The following PDE1A variants were observed in gnomAD, a reference collection of about 807,000 sequenced individuals.
PDE1A encodes the protein dual specificity calcium/calmodulin-dependent 3',5'-cyclic nucleotide phosphodiesterase 1A.
PDE1A carries 35 observed loss-of-function variants against 61.7 expected under a neutral mutation model. That is an observed-to-expected ratio of 0.57 (90% CI 0.43 to 0.75). The LOEUF (loss-of-function observed/expected upper bound fraction) is 0.75. Among genes scored for constraint, PDE1A ranks in the 30% least tolerant of loss-of-function variants. The pLI, the probability that PDE1A is intolerant of heterozygous loss-of-function variation, is 0.00. For synonymous variants in PDE1A, 232 were observed against 213.2 expected (o/e 1.09, Z -0.77); for missense variants, 597 against 630.6 (o/e 0.95, Z 0.57).
At chr2:182,398,688 G>A (rs2125433532) in intron 1 of PDE1A, among the ~76,000 whole-genome samples, 1 of 152,050 alleles carries the variant, frequency 6.6e-6, no homozygotes, top group East Asian at 1.9e-4. Context: ...TATATATTAG[G>A]TCTGTTTGAT....
exon 1 of PDE1A, chr2:182,426,722 G>A (rs2125612565): frequency 6.3e-7 from 1 of 1,585,802 alleles, no homozygotes; most frequent in East Asian, 2.2e-5. Context: ...TGTGCTGCAA[G>A]GAGCCCAGAA....
intron 8 of PDE1A, 99 bp downstream of exon 8, chr2:182,205,841 G>A (rs1687053827): frequency 1.0e-6 from 1 of 998,692 alleles, no homozygotes; most frequent in East Asian, 2.5e-5. Flanking sequence ...TTTGTAATTT[G>A]GGGAATGCAT....
At chr2:182,653,563 G>C in the PDE1A span, among the ~76,000 whole-genome samples, 603 of 152,172 alleles carry the variant, frequency 4.0e-3, 4 homozygotes, top group Non-Finnish European at 5.6e-3. Context: ...GCTTGAATGA[G>C]GTGTTGCAGA....
At chr2:182,202,384 T>C (rs1216854341) in intron 8 of PDE1A, among the ~76,000 whole-genome samples, 1 of 152,244 alleles carries the variant, frequency 6.6e-6, no homozygotes, top group Non-Finnish European at 1.5e-5. Context: ...AGCAAGGCAC[T>C]GAACTGTAAG....
chr2:182,506,208 G>C (rs1330612549), intron 2 of PDE1A, among the ~76,000 whole-genome samples: 2 of 152,002 alleles, frequency 1.3e-5, no homozygotes, highest in African/African-American at 4.8e-5. Context: ...TTTCCATGTA[G>C]AGTTCGTAAG....
the PDE1A span, among the ~76,000 whole-genome samples, chr2:182,594,295 T>C: frequency 3.9e-5 from 6 of 152,346 alleles, no homozygotes; most frequent in Admixed American, 2.6e-4. Context: ...CTCTCTAATC[T>C]AAAATGTGGA....
the PDE1A span, among the ~76,000 whole-genome samples, chr2:182,687,793 C>A: frequency 6.6e-6 from 1 of 152,112 alleles, no homozygotes; most frequent in African/African-American, 2.4e-5. Context: ...AAAGATTAGA[C>A]GAATGGCTAA....
chr2:182,626,533 C>A, the PDE1A span, among the ~76,000 whole-genome samples: 11 of 150,562 alleles, frequency 7.3e-5, 1 homozygote, highest in South Asian at 1.9e-3. Flanking sequence ...TGATATTAAT[C>A]CTTACACTGG....
rs184739139 is a variant in PDE1A, at chr2:182,184,070, T to G, written c.1516+1822A>C. Among the ~76,000 whole-genome samples, 521 of 149,012 alleles carry G rather than the reference T, an allele frequency of 3.5e-3. 3 individuals are homozygous for G. Among genetic ancestry groups the G allele is most frequent in the African/African-American group, 0.013 (507 of 40,442 alleles). ...AGAAAGAAAGAACAATTAAAGAAAT[T>G]GACAGAGATCCAGAGCATCCAGGAC... is the stretch of plus-strand genomic sequence containing the variant. On this transcript the variant is annotated intron_variant, in intron 13 of 13. Coordinates refer to ENST00000351439, the Ensembl canonical transcript of PDE1A.
At chr2:182,503,702 G>A (rs1449446936) in intron 2 of PDE1A, among the ~76,000 whole-genome samples, 1 of 152,002 alleles carries the variant, frequency 6.6e-6, no homozygotes, top group African/African-American at 2.4e-5. Context: ...TGACCACTCT[G>A]GTCTAAAATA....
chr2:182,535,316 T>C, the PDE1A span, among the ~76,000 whole-genome samples: 3 of 146,326 alleles, frequency 2.1e-5, no homozygotes, highest in Non-Finnish European at 4.5e-5. Context: ...ATTAACCTCC[T>C]GTCTAGTACA....
intron 8 of PDE1A, among the ~76,000 whole-genome samples, chr2:182,204,919 T>C (rs1158309158): frequency 1.3e-5 from 2 of 152,200 alleles, no homozygotes; most frequent in Admixed American, 6.5e-5. Context: ...TCTCTAGATA[T>C]GGCCTTGAAG....
At chr2:182,271,281 T>C (rs948123285) in intron 1 of PDE1A, among the ~76,000 whole-genome samples, 1 of 151,848 alleles carries the variant, frequency 6.6e-6, no homozygotes, top group African/African-American at 2.4e-5. Context: ...TAAAACATCA[T>C]GTTGGTCTAC....
intron 13 of PDE1A, among the ~76,000 whole-genome samples, chr2:182,176,288 T>G (rs1350519071): frequency 6.0e-5 from 9 of 149,386 alleles, no homozygotes; most frequent in African/African-American, 2.3e-4. Flanking sequence ...TATGGCCATT[T>G]TCACGATATT....
intron 1 of PDE1A, among the ~76,000 whole-genome samples, chr2:182,296,136 G>A (rs577592978): frequency 1.4e-4 from 21 of 152,128 alleles, no homozygotes; most frequent in African/African-American, 4.3e-4. Flanking sequence ...CACGTGTAAC[G>A]CATTAGAGTC....
At chr2:182,704,317 C>T in the PDE1A span, among the ~76,000 whole-genome samples, 2 of 151,956 alleles carry the variant, frequency 1.3e-5, no homozygotes, top group Non-Finnish European at 1.5e-5. Context: ...TCTCAAGTCA[C>T]GAAGTTGCTG....
Position 182,189,066 on chromosome 2 carries a change from G to A in PDE1A, c.1126-6C>T. The A allele has an allele frequency of 6.2e-7, 1 of 1,601,640 alleles. No homozygotes were observed. Among genetic ancestry groups the A allele is most frequent in the Non-Finnish European group, 8.5e-7 (1 of 1,169,648 alleles). ...AATTCAGCTTCTTTATCTCCCTGGA[G>A]AAAGAAAAGCACATTAATATAGACT... is the stretch of plus-strand genomic sequence containing the variant. On this transcript the variant is annotated splice_polypyrimidine_tract_variant and splice_region_variant and intron_variant, in intron 10 of 13. Coordinates refer to ENST00000351439, the Ensembl canonical transcript of PDE1A.
At chr2:182,622,143 T>C in the PDE1A span, among the ~76,000 whole-genome samples, 3 of 152,210 alleles carry the variant, frequency 2.0e-5, no homozygotes, top group Admixed American at 1.3e-4. Flanking sequence ...TGAGACTATT[T>C]AGTATGACAT....
chr2:182,392,211 T>C (rs533588865), intron 1 of PDE1A, among the ~76,000 whole-genome samples: 1 of 152,174 alleles, frequency 6.6e-6, no homozygotes, highest in South Asian at 2.1e-4. Flanking sequence ...GCTGAAGTGG[T>C]CTCACAATCA....
Sources: gnomAD v4.1 joint callset for allele counts (sites outside exome capture counted in the v4.1 genomes callset) on GRCh38, gnomAD v4.1.1 for gene constraint, MANE v1.5 for transcripts, NCBI Gene and HGNC (gene_info 2026-07-23, HGNC 2026-07-21) for gene names.